ANKMY1: variants seen among roughly 807,000 people sequenced by gnomAD.
ANKMY1 encodes ankyrin repeat and MYND domain-containing protein 1.
Under a neutral mutation model 102.0 loss-of-function variants are expected in ANKMY1, and 98 were observed. That is an observed-to-expected ratio of 0.96 (90% CI 0.82 to 1.14). ANKMY1 has a LOEUF of 1.14. ANKMY1 is among the 50% of genes most tolerant of loss of function. The pLI is 0.00. For missense variants in ANKMY1, 1,330 were observed against 1,347.6 expected, an observed-to-expected ratio of 0.99 and a Z score of 0.20; for synonymous variants, 582 against 559.9, an observed-to-expected ratio of 1.04 and a Z score of -0.56.
chr2:240,471,869 C>A, the ANKMY1 span, among the ~76,000 whole-genome samples: 1 of 152,158 alleles, frequency 6.6e-6, no homozygotes, highest in African/African-American at 2.4e-5. Flanking sequence ...CCTATGGACT[C>A]AATGGCAGCC....
intron 9 of ANKMY1, among the ~76,000 whole-genome samples, chr2:240,519,512 T>C (rs2081769132): frequency 6.6e-6 from 1 of 152,132 alleles, no homozygotes; most frequent in African/African-American, 2.4e-5. Context: ...AAGCCTGGCC[T>C]CACCCCAGAC....
chr2:240,544,597 C>T lies in ANKMY1; in HGVS notation c.480+8317G>A, dbSNP rs576333816. Among the ~76,000 whole-genome samples the T allele has an allele frequency of 6.6e-5, 10 of 152,270 alleles. No homozygotes were observed. The South Asian group carries it at 1.2e-3, about 19-fold the overall frequency. ...ATTTCTGCATTTCCACCTGAGGTACCGGGTTCATCTCACTAGGGAGTGCCA... is the reference window on the plus strand; with the variant it reads ...ATTTCTGCATTTCCACCTGAGGTACTGGGTTCATCTCACTAGGGAGTGCCA... On this transcript the variant is annotated intron_variant, in intron 4 of 17. Transcript: ENST00000401804.
At chr2:240,561,059 C>A (rs1476515035), upstream of ANKMY1, 1 of 1,497,590 alleles carries the variant, frequency 6.7e-7, no homozygotes. Flanking sequence ...GCGGCCTCAG[C>A]CTGGCGAAGG....
At chr2:240,525,943 CT>C in intron 6 of ANKMY1, 94 bp from the exon 7 acceptor site, 1 of 1,459,788 alleles carries the variant, frequency 6.9e-7, no homozygotes, top group Non-Finnish European at 9.4e-7. Context: ...TGAGGCCACC[CT>C]ATGGCAGGGC....
chr2:240,508,850 G>T (rs936231000), intron 12 of ANKMY1, among the ~76,000 whole-genome samples: 1 of 152,102 alleles, frequency 6.6e-6, no homozygotes, highest in African/African-American at 2.4e-5. Flanking sequence ...AGGTGGGTGG[G>T]TGGGTGGATG....
upstream of ANKMY1, chr2:240,560,876 A>AGAGCTGCGCGTGCCC (rs764424498): frequency 1.9e-5 from 27 of 1,425,142 alleles, no homozygotes; most frequent in East Asian, 7.5e-4. Flanking sequence ...CCGGCGTGGC[A>AGAGCTGCGCGTGCCC]GAGCTGCGCG....
intron 9 of ANKMY1, among the ~76,000 whole-genome samples, chr2:240,515,363 C>T (rs909343403): frequency 2.6e-5 from 4 of 151,986 alleles, no homozygotes; most frequent in Admixed American, 2.6e-4. Flanking sequence ...GGTGAAACCT[C>T]GCCTCTACTA....
chr2:240,560,914 A>C (rs1036859605), upstream of ANKMY1: 11 of 1,534,696 alleles, frequency 7.2e-6, no homozygotes, highest in Non-Finnish European at 9.5e-6. Flanking sequence ...CCGGCTGAGG[A>C]CCTGCTGGCG....
chr2:240,560,672 T>C (rs1279856110), upstream of ANKMY1: 4 of 1,505,712 alleles, frequency 2.7e-6, no homozygotes, highest in East Asian at 2.7e-5. Context: ...AAGCAGACTC[T>C]TCGGCGGGCG....
At chr2:240,509,885 G>A (rs528352524) in intron 11 of ANKMY1, among the ~76,000 whole-genome samples, 17 of 151,944 alleles carry the variant, frequency 1.1e-4, no homozygotes, top group East Asian at 5.8e-4. Flanking sequence ...CCCCACCCTC[G>A]GCTGGTGGAG....
upstream of ANKMY1, chr2:240,560,620 G>A: frequency 7.2e-7 from 1 of 1,396,290 alleles, no homozygotes; most frequent in Non-Finnish European, 9.2e-7. Context: ...ATAGACTCCT[G>A]GGCGGGCGCC....
rs752452210 is a variant in ANKMY1, at chr2:240,500,116, C to T, written c.2648G>A (p.Arg883Lys). 37 of 1,601,860 alleles carry T rather than the reference C, an allele frequency of 2.3e-5. No homozygotes were observed. The highest frequency in any genetic ancestry group is 3.0e-5 in the Non-Finnish European group (35 of 1,174,752). Reference protein sequence around the residue: ...YGYFRFFQDRRIARCPFHTLM... With the variant: ...YGYFRFFQDRKIARCPFHTLM... ...CGTGTGGAAGGGGCAGCGGGCAATC[C>T]TCCGGTCCTGCGGCACAGCACCAGG... The change falls in exon 15 of 18, where the codon AGG becomes AAG. Residue 883 changes from arginine (R) to lysine (K), a missense_variant. Arg to Lys is a conservative substitution (Grantham distance 26). Transcript: ENST00000401804.
intron 4 of ANKMY1, among the ~76,000 whole-genome samples, chr2:240,540,445 T>C (rs2088401612): frequency 6.6e-6 from 1 of 152,176 alleles, no homozygotes; most frequent in Non-Finnish European, 1.5e-5. Context: ...TATGTGCTTC[T>C]TTCCTCAGGA....
intron 7 of ANKMY1, 30 bp from the exon 8 acceptor site, chr2:240,524,411 GAATA>G (rs2082943736): frequency 6.4e-7 from 1 of 1,567,944 alleles, no homozygotes; most frequent in Non-Finnish European, 8.6e-7. Context: ...AGTGTCATTA[GAATA>G]AATTGGAGTG....
chr2:240,512,127 G>A, intron 10 of ANKMY1, 126 bp from the exon 11 acceptor site: 1 of 1,186,190 alleles, frequency 8.4e-7, no homozygotes. Context: ...AAACCCTCTT[G>A]AAGGCGGATG....
intron 17 of ANKMY1, 104 bp downstream of exon 17, chr2:240,480,831 GGA>G: frequency 4.2e-6 from 6 of 1,425,444 alleles, no homozygotes; most frequent in Non-Finnish European, 5.6e-6. Context: ...GCCTGAATCT[GGA>G]GAGATTTTGG....
intron 5 of ANKMY1, chr2:240,526,803 G>A (rs2083540958): frequency 1.7e-6 from 2 of 1,208,786 alleles, no homozygotes; most frequent in Non-Finnish European, 2.1e-6. Flanking sequence ...CAACATACAT[G>A]TGGTTCCAGT....
the ANKMY1 span, among the ~76,000 whole-genome samples, chr2:240,468,824 C>T: frequency 2.6e-5 from 4 of 152,194 alleles, no homozygotes; most frequent in African/African-American, 9.7e-5. Context: ...AGATGCAGCT[C>T]CACCCAGCCC....
intron 11 of ANKMY1, among the ~76,000 whole-genome samples, chr2:240,510,997 T>C (rs1339850333): frequency 6.6e-6 from 1 of 151,866 alleles, no homozygotes; most frequent in African/African-American, 2.4e-5. Context: ...CTTCAGGTGG[T>C]CTACTCAGGG....
Sources: allele counts gnomAD v4.1 joint callset (sites outside exome capture counted in the v4.1 genomes callset), GRCh38; gene constraint gnomAD v4.1.1; transcripts MANE v1.5; gene names NCBI Gene and HGNC (gene_info 2026-07-23, HGNC 2026-07-21).